Variants in DRG2 observed in about 807,000 individuals in gnomAD.
DRG2 encodes developmentally regulated GTP binding protein 2, also known as developmentally-regulated GTP-binding protein 2.
Under a neutral mutation model 53.4 loss-of-function variants are expected in DRG2, and 36 were observed. The ratio of observed to expected loss-of-function variants is 0.67; its 90% CI spans 0.52 to 0.89. The LOEUF is 0.89. Among genes scored for constraint, DRG2 ranks in the 40% least tolerant of loss-of-function variants. The pLI is 0.00. For missense variants in DRG2, 342 were observed against 481.2 expected (o/e 0.71, Z 2.71); for synonymous variants, 167 against 192.1 (o/e 0.87, Z 1.08).
chr17:18,104,553 C>A, intron 10 of DRG2, 70 bp from the exon 11 acceptor site: 1 of 1,607,932 alleles, frequency 6.2e-7, no homozygotes, highest in Non-Finnish European at 8.5e-7. Context: ...GCTCTTCCCT[C>A]GCGCAGAATC....
intron 11 of DRG2, 47 bp from the exon 12 acceptor site, chr17:18,106,386 G>A: frequency 6.2e-7 from 1 of 1,609,914 alleles, no homozygotes; most frequent in Non-Finnish European, 8.5e-7. Context: ...TTGGGATGGG[G>A]TTAGGTGAAG....
In DRG2 at chr17:18,100,647, C is replaced by G. The variant is rs759388220; in HGVS notation, c.619C>G (p.Leu207Val). Residue 207 changes from leucine (L) to valine (V), a missense_variant, in exon 7 of 13, where the codon CTG becomes GTG. By Grantham distance (32) the Leu-to-Val change is conservative. Coordinates refer to ENST00000225729, the MANE Select transcript of DRG2 (RefSeq NM_001388.5). The surrounding 1 kb of genome is among the most constrained non-coding windows in gnomAD (Gnocchi z 4.1). Reference protein sequence around the residue: ...QCSEKLVQLILHEYKIFNAEV... With the variant: ...QCSEKLVQLIVHEYKIFNAEV... The stretch of plus-strand genomic sequence containing the variant: ...CTCGGAAAAGCTGGTGCAGCTCATC[C>G]TGCACGAATACAGTATCCTTCCCTG... 6.2e-7 allele frequency: 1 copy of G among 1,613,846 alleles called. No homozygotes were observed. The highest frequency in any genetic ancestry group is 8.5e-7 in the Non-Finnish European group (1 of 1,179,966).
At chr17:18,088,609 C>T (rs756042308) in intron 1 of DRG2, among the ~76,000 whole-genome samples, 1 of 152,220 alleles carries the variant, frequency 6.6e-6, no homozygotes, top group Non-Finnish European at 1.5e-5. Context: ...CTTGGAGTCT[C>T]AGTGTCCTCA....
chr17:18,106,687 GTTTTTT>G (rs10566746), intron 12 of DRG2, among the ~76,000 whole-genome samples: 3 of 69,550 alleles, frequency 4.3e-5, no homozygotes, highest in African/African-American at 1.6e-4. Flanking sequence ...TTTTTTTCTG[GTTTTTT>G]TTTTTTTTTT....
Position 18,103,714 on chromosome 17 carries a change from G to A in DRG2, c.807-87G>A, listed in dbSNP as rs1028549290. 3 of 1,305,428 alleles carry A rather than the reference G, an allele frequency of 2.3e-6. No homozygotes were observed. Among genetic ancestry groups the A allele is most frequent in the Admixed American group, 1.7e-5 (1 of 59,106 alleles). 80.9% of individuals were successfully genotyped at this position (1,305,428 alleles called of 1,614,324 possible). A position where few individuals can be genotyped will look rare whatever the true frequency, so the allele number is the denominator to read the frequency against. On this transcript the variant is annotated intron_variant, in intron 9 of 12. Transcript: ENST00000225729. This position sits in a 1 kb window ranked among gnomAD's most constrained non-coding sequence, Gnocchi z 4.4. ...CCAGCGGGCCACCTGGCCAGTGGAG[G>A]TTATCCGCTCCAATAGTGAGAAGTG...
chr17:18,094,661 A>G (rs2045395634), intron 2 of DRG2, among the ~76,000 whole-genome samples: 1 of 152,130 alleles, frequency 6.6e-6, no homozygotes. Flanking sequence ...GGATTGAAGA[A>G]TGAAACTGCA....
At chr17:18,104,209 C>T (rs899064819) in intron 10 of DRG2, among the ~76,000 whole-genome samples, 1 of 152,240 alleles carries the variant, frequency 6.6e-6, no homozygotes, top group South Asian at 2.1e-4. Flanking sequence ...TGCCCATCCT[C>T]CTGGTGCGCA....
chr17:18,097,801 C>G (rs973244536), intron 2 of DRG2: 1 of 152,976 alleles, frequency 6.5e-6, no homozygotes, highest in East Asian at 1.9e-4. Flanking sequence ...CCTGCGACAC[C>G]TCTCCTGTCA....
rs544708058 is a variant in DRG2 at position 18,104,411 on chromosome 17, C to T, written c.896-212C>T. The T allele has an allele frequency of 1.8e-4, 203 of 1,103,510 alleles. No homozygotes were observed. The African/African-American group carries it at 2.9e-3, about 16-fold the overall frequency. 68.4% of individuals were successfully genotyped at this position (1,103,510 alleles called of 1,614,324 possible). A position where few individuals can be genotyped will look rare whatever the true frequency, so the allele number is the denominator to read the frequency against. On this transcript the variant is annotated intron_variant, in intron 10 of 12. Transcript: ENST00000225729. ...GGTGGCAGGCACTGTGAATCCTAGA[C>T]GTGATTTATTTTGAGTCACTGTGTT...
chr17:18,087,979 G>A lies in DRG2; in HGVS notation c.-45G>A, dbSNP rs1175364459. Reference sequence around the variant, plus strand: ...TCGCCGCCGTCAGACCGGAATTGCCGGTGCCGCCGCCACCGCTGTCTGTGC... The same window carrying A: ...TCGCCGCCGTCAGACCGGAATTGCCAGTGCCGCCGCCACCGCTGTCTGTGC... On this transcript the variant is annotated 5_prime_UTR_variant, in exon 1 of 13. Transcript: ENST00000225729. 1.3e-6 allele frequency: 2 copies of A among 1,541,310 alleles called. No individual in the cohort carries two copies. Among genetic ancestry groups the A allele is most frequent in the Admixed American group, 4.0e-5 (2 of 50,324 alleles).
In DRG2 at chr17:18,099,242, G is replaced by C. The variant is rs531879387; in HGVS notation, c.376+165G>C. Reference sequence around the variant, plus strand: ...ATCCTTGGCACCAAACTAGCCTTGTGATCTTGGGCAAGTGATTGGGTATCT... The same window carrying C: ...ATCCTTGGCACCAAACTAGCCTTGTCATCTTGGGCAAGTGATTGGGTATCT... On this transcript the variant is annotated intron_variant, in intron 4 of 12. Transcript: ENST00000225729. This position sits in a 1 kb window ranked among gnomAD's most constrained non-coding sequence, Gnocchi z 4.4. The C allele has an allele frequency of 4.6e-6, 4 of 866,780 alleles. No homozygotes were observed. In the South Asian group the frequency reaches 5.1e-5, roughly 11 times the overall value. 53.7% of individuals were successfully genotyped at this position (866,780 alleles called of 1,614,324 possible).
rs764180629 is a variant in DRG2 at position 18,104,649 on chromosome 17, A to G, written c.922A>G (p.Ile308Val). 4.3e-6 allele frequency: 7 copies of G among 1,613,870 alleles called. No homozygotes were observed. The South Asian group carries it at 5.5e-5, about 13-fold the overall frequency. The change falls in exon 11 of 13, where the codon ATT becomes GTT. Residue 308 changes from isoleucine to valine, a missense_variant. By Grantham distance (29) the Ile-to-Val change is conservative. Coordinates refer to ENST00000225729, the MANE Select transcript of DRG2 (RefSeq NM_001388.5). Reference protein sequence around the residue: ...GQRPDFTDAIILRKGASVEHV... With the variant: ...GQRPDFTDAIVLRKGASVEHV... ...GAGGCCAGACTTCACAGACGCCATC[A>G]TTCTCCGGAAAGGGGCCTCAGTGGA...
chr17:18,105,604 C>A (rs925070019), intron 11 of DRG2: 10 of 152,322 alleles, frequency 6.6e-5, no homozygotes, highest in Non-Finnish European at 1.3e-4. Flanking sequence ...TCCCTTCAGT[C>A]ACTCACAAGT....
In DRG2 at chr17:18,103,677, T is replaced by G; in HGVS notation, c.807-124T>G. 1 of 837,542 alleles carries G rather than the reference T, an allele frequency of 1.2e-6. No individual in the cohort carries two copies. The allele number at this position is 837,542 out of a possible 1,614,324, so 51.9% of individuals were successfully genotyped here. ...CTGCCATCATAGTAATGGGCTTGTT[T>G]CCCTGTGGGTACCAGCGGGCCACCT... On this transcript the variant is annotated intron_variant, in intron 9 of 12. Coordinates refer to ENST00000225729, the MANE Select transcript of DRG2 (RefSeq NM_001388.5). This position sits in a 1 kb window ranked among gnomAD's most constrained non-coding sequence, Gnocchi z 4.4.
rs749970628 is a variant in DRG2, at chr17:18,093,879, C to T, written c.131C>T (p.Pro44Leu). 5.0e-6 allele frequency: 8 copies of T among 1,614,054 alleles called. No individual in the cohort carries two copies. Among genetic ancestry groups the T allele is most frequent in the East Asian group, 2.2e-5 (1 of 44,876 alleles). Residue 44 changes from proline (P) to leucine (L), a missense_variant, in exon 2 of 13, where the codon CCG becomes CTG. By Grantham distance (98) the Pro-to-Leu change is moderately conservative. Transcript: ENST00000225729. ...AAGTATCGGGCCCAGCTCCTGGAAC[C>T]GTCCAAATCGGCCTCGTCCAAAGGA... Reference protein sequence around the residue: ...LAKYRAQLLEPSKSASSKGEG... With the variant: ...LAKYRAQLLELSKSASSKGEG...
At chr17:18,093,679 A>ATTTT in intron 1 of DRG2, 134 bp from the exon 2 acceptor site, 1 of 833,404 alleles carries the variant, frequency 1.2e-6, no homozygotes, top group South Asian at 2.1e-5. Context: ...AAGCAGAGAG[A>ATTTT]TTTTTTTTTT....
intron 10 of DRG2, among the ~76,000 whole-genome samples, chr17:18,104,110 G>A (rs980099578): frequency 6.6e-6 from 1 of 152,166 alleles, no homozygotes; most frequent in South Asian, 2.1e-4. Context: ...AGCAGTCAGT[G>A]CCCTCCTGAC....
At chr17:18,102,418 C>G (rs893027598) in intron 9 of DRG2, among the ~76,000 whole-genome samples, 2 of 151,864 alleles carry the variant, frequency 1.3e-5, no homozygotes, top group African/African-American at 2.4e-5. Flanking sequence ...GTCAGGAGAT[C>G]GAGACTATCC....
At chr17:18,093,322 T>G (rs2045366559) in intron 1 of DRG2, among the ~76,000 whole-genome samples, 1 of 149,696 alleles carries the variant, frequency 6.7e-6, no homozygotes, top group South Asian at 2.1e-4. Flanking sequence ...AGGCGGGATT[T>G]TTTTTTTTTT....
Sources: allele counts gnomAD v4.1 joint callset (sites outside exome capture counted in the v4.1 genomes callset), GRCh38; gene constraint gnomAD v4.1.1; non-coding constraint Gnocchi (gnomAD v3.1); transcripts MANE v1.5; gene names NCBI Gene and HGNC (gene_info 2026-07-23, HGNC 2026-07-21).